Variants in NHS observed in about 807,000 individuals in gnomAD.
The protein encoded by NHS is actin remodeling regulator NHS.
NHS carries 5 observed loss-of-function variants against 72.5 expected under a neutral mutation model. That is an observed-to-expected ratio of 0.07 (90% CI 0.04 to 0.14). The LOEUF is 0.14. Among genes scored for constraint, NHS ranks in the 10% least tolerant of loss-of-function variants. NHS has a pLI of 1.00. For synonymous variants in NHS, 464 were observed against 547.7 expected, an observed-to-expected ratio of 0.85 and a Z score of 2.13; for missense variants, 1,072 against 1,355.7, an observed-to-expected ratio of 0.79 and a Z score of 3.29.
At chrX:17,440,480 T>C (rs1188857241) in intron 1 of NHS, among the ~76,000 whole-genome samples, 1 of 110,130 alleles carries the variant, frequency 9.1e-6, no homozygotes, top group Non-Finnish European at 1.9e-5. Flanking sequence ...TCTGGGAGAT[T>C]TTACATCACA....
chrX:17,407,498 A>G (rs1340421185), intron 1 of NHS, among the ~76,000 whole-genome samples: 1 of 111,470 alleles, frequency 9.0e-6, no homozygotes, highest in Non-Finnish European at 1.9e-5. Context: ...TGAGGATGTA[A>G]GGCTTGAATC....
At chrX:17,593,834 T>C (rs2065613849) in intron 1 of NHS, among the ~76,000 whole-genome samples, 2 of 111,848 alleles carry the variant, frequency 1.8e-5, no homozygotes, top group Admixed American at 1.9e-4. Flanking sequence ...TTTTGATGAA[T>C]GGATGAGTAG....
intron 5 of NHS, among the ~76,000 whole-genome samples, chrX:17,723,693 CCTTA>C (rs1190122537): frequency 9.6e-6 from 1 of 103,931 alleles, no homozygotes; most frequent in Non-Finnish European, 2.0e-5. Flanking sequence ...AAAAACAAAT[CCTTA>C]GACTGTTGAG....
At chrX:17,527,141 G>A (rs2065177073) in intron 1 of NHS, among the ~76,000 whole-genome samples, 2 of 112,612 alleles carry the variant, frequency 1.8e-5, no homozygotes, top group South Asian at 3.6e-4. Context: ...AGAGCTTGCC[G>A]GGTTCTTGCT....
chrX:17,418,817 AGAAT>A (rs1388863044), intron 1 of NHS, among the ~76,000 whole-genome samples: 1 of 111,832 alleles, frequency 8.9e-6, no homozygotes, highest in African/African-American at 3.3e-5. Flanking sequence ...AGAGAGTCAA[AGAAT>A]GAATAAGGAA....
At position 17,653,104 on chromosome X, in the gene NHS, G is replaced by C. The variant is rs149420093; in HGVS notation, c.566-34638G>C. Among the ~76,000 whole-genome samples, 410 of 110,985 alleles carry C rather than the reference G, an allele frequency of 3.7e-3. 1 individual carries two copies. Among genetic ancestry groups the C allele is most frequent in the African/African-American group, 0.013 (390 of 30,432 alleles). ...CCTAACCACCATACAGGGGATAGGGGGACCTAAAAAAATGCAATATGAGCA... is the reference window on the plus strand; with the variant it reads ...CCTAACCACCATACAGGGGATAGGGCGACCTAAAAAAATGCAATATGAGCA... On this transcript the variant is annotated intron_variant, in intron 1 of 8. Coordinates refer to ENST00000676302, the MANE Select transcript of NHS (RefSeq NM_001291867.2).
chrX:17,724,923 G>A (rs923278155), intron 6 of NHS, among the ~76,000 whole-genome samples: 3 of 111,575 alleles, frequency 2.7e-5, no homozygotes, highest in African/African-American at 9.8e-5. Context: ...AAAATTATTA[G>A]GGTATCATCT....
At chrX:17,542,706 A>AGAGG (rs2093848482) in intron 1 of NHS, among the ~76,000 whole-genome samples, 1 of 110,241 alleles carries the variant, frequency 9.1e-6, no homozygotes, top group African/African-American at 3.3e-5. Flanking sequence ...AGAGAGAGAG[A>AGAGG]GAGAGAGAAA....
chrX:17,621,301 C>G (rs777966152), intron 1 of NHS, among the ~76,000 whole-genome samples: 1 of 111,835 alleles, frequency 8.9e-6, no homozygotes, highest in East Asian at 2.8e-4. Context: ...CAGGAAGCTC[C>G]GAGGAAGAGT....
intron 1 of NHS, among the ~76,000 whole-genome samples, chrX:17,429,062 G>A (rs981660730): frequency 6.1e-4 from 68 of 111,916 alleles, no homozygotes; most frequent in Middle Eastern, 4.6e-3. Context: ...TAACGAAGAC[G>A]CACACACTTG....
intron 3 of NHS, among the ~76,000 whole-genome samples, chrX:17,706,762 T>G (rs2066298829): frequency 8.9e-6 from 1 of 112,062 alleles, no homozygotes; most frequent in African/African-American, 3.2e-5. Context: ...AGATTCCCAT[T>G]TCAGACTATG....
At chrX:17,438,434 C>A (rs1252563278) in intron 1 of NHS, among the ~76,000 whole-genome samples, 3 of 111,981 alleles carry the variant, frequency 2.7e-5, no homozygotes, top group South Asian at 7.6e-4. Flanking sequence ...GAGTCATTTT[C>A]CTCCCTAGGC....
chrX:17,528,401 T>A (rs1333791818), intron 1 of NHS: 1 of 112,036 alleles, frequency 8.9e-6, no homozygotes, highest in African/African-American at 3.3e-5. Flanking sequence ...ATTGGTTACA[T>A]CACCCCTGCC....
At chrX:17,584,224 G>A (rs139990275) in intron 1 of NHS, among the ~76,000 whole-genome samples, 1,988 of 111,479 alleles carry the variant, frequency 0.018, 10 homozygotes, top group Non-Finnish European at 0.027. Context: ...TCCTGACACT[G>A]TTGAACTTCC....
chrX:17,543,255 T>A (rs1474634652), intron 1 of NHS, among the ~76,000 whole-genome samples: 1 of 112,213 alleles, frequency 8.9e-6, no homozygotes, highest in Non-Finnish European at 1.9e-5. Context: ...GCAACAGATA[T>A]TCTGATGCAT....
chrX:17,612,252 C>A (rs1330256591), intron 1 of NHS, among the ~76,000 whole-genome samples: 1 of 106,980 alleles, frequency 9.3e-6, no homozygotes, highest in Non-Finnish European at 1.9e-5. Context: ...GGCTGTTCAT[C>A]TTGCTGAAAT....
Position 17,729,409 on chromosome X carries a change from A to G in NHS, c.4349+634A>G, listed in dbSNP as rs1008519427. Among the ~76,000 whole-genome samples the G allele has an allele frequency of 9.7e-5, 11 of 112,950 alleles. 1 individual carries two copies. The highest frequency in any genetic ancestry group is 2.1e-4 in the Non-Finnish European group (11 of 53,384). ...CAAAGTTGATCACAAAACAGTCTCA[A>G]GTTTGAGAAAAGACAATACGTGTTC... On this transcript the variant is annotated intron_variant, in intron 8 of 8. Transcript: ENST00000676302.
chrX:17,723,770 T>TGCGCGCGC (rs1556037732), intron 5 of NHS, among the ~76,000 whole-genome samples: 12 of 91,319 alleles, frequency 1.3e-4, no homozygotes, highest in African/African-American at 4.5e-4. Context: ...TGTGTGTGTG[T>TGCGCGCGC]GCGCGCGCGT....
intron 1 of NHS, among the ~76,000 whole-genome samples, chrX:17,408,711 G>A (rs148675511): frequency 4.6e-3 from 508 of 111,329 alleles, no homozygotes; most frequent in African/African-American, 0.016. Context: ...TCATGTCATC[G>A]GATGCCCATT....
Sources: gnomAD v4.1 joint callset for allele counts (sites outside exome capture counted in the v4.1 genomes callset) on GRCh38, gnomAD v4.1.1 for gene constraint, MANE v1.5 for transcripts, NCBI Gene and HGNC (gene_info 2026-07-23, HGNC 2026-07-21) for gene names.